Variants in CYRIA observed in about 807,000 individuals in gnomAD.
The protein encoded by CYRIA is CYFIP related Rac1 interactor A, also known as CYFIP-related Rac1 interactor A.
In CYRIA, 15 loss-of-function variants were observed where a neutral mutation model predicts 43.9. The ratio of observed to expected loss-of-function variants is 0.34; its 90% CI spans 0.23 to 0.53. The LOEUF is 0.53. CYRIA is among the 20% of genes least tolerant of loss of function. The probability of loss-of-function intolerance (pLI) is 0.94; values close to 1 mark genes in which losing one functional copy is unlikely to be tolerated. For synonymous variants in CYRIA, 117 were observed against 136.0 expected (o/e 0.86, Z 0.97); for missense variants, 236 against 394.2 (o/e 0.60, Z 3.40).
intron 2 of CYRIA, among the ~76,000 whole-genome samples, chr2:16,617,895 G>C (rs1366031989): frequency 1.3e-5 from 2 of 152,162 alleles, no homozygotes; most frequent in Non-Finnish European, 2.9e-5. Context: ...AAGGGAGGAG[G>C]GCTGACCAAG....
chr2:16,659,067 A>G (rs1443346775), intron 1 of CYRIA, among the ~76,000 whole-genome samples: 3 of 152,244 alleles, frequency 2.0e-5, no homozygotes, highest in Non-Finnish European at 4.4e-5. Context: ...GAAGGACGTC[A>G]GCCAAACACA....
At chr2:16,584,861 T>A (rs1425645540) in intron 3 of CYRIA, among the ~76,000 whole-genome samples, 1 of 152,168 alleles carries the variant, frequency 6.6e-6, no homozygotes, top group Admixed American at 6.5e-5. Context: ...GCAAGAAGAC[T>A]TCTCCAATTC....
rs1013070387 is a variant in CYRIA at position 16,571,224 on chromosome 2, A to G, written c.71-5457T>C. Among the ~76,000 whole-genome samples, 4 of 152,246 alleles carry G rather than the reference A, an allele frequency of 2.6e-5. No homozygotes were observed. In the East Asian group the frequency reaches 7.7e-4, roughly 29 times the overall value. On this transcript the variant is annotated intron_variant, in intron 3 of 11. Transcript: ENST00000381323. ...TACATTAAGATAGTTAAACAGGATT[A>G]GTTTTGTTTGCAGGGGCTCAATTTG... is the stretch of plus-strand genomic sequence containing the variant.
At chr2:16,628,365 G>A (rs78560368) in intron 1 of CYRIA, among the ~76,000 whole-genome samples, 258 of 152,258 alleles carry the variant, frequency 1.7e-3, no homozygotes, top group African/African-American at 5.7e-3. Flanking sequence ...ACCATTTATC[G>A]GACTGTGAGG....
At position 16,587,659 on chromosome 2, in the gene CYRIA, G is replaced by A. The variant is rs550446177; in HGVS notation, c.70+391C>T. On this transcript the variant is annotated intron_variant, in intron 3 of 11. Transcript: ENST00000381323. ...TCCATAATTCCCACTTGTTGTGGGA[G>A]GGACCAGATGGGAGGTAACTGAATC... Among the ~76,000 whole-genome samples the A allele has an allele frequency of 2.0e-5, 3 of 152,218 alleles. No individual in the cohort carries two copies. In the East Asian group the frequency reaches 5.8e-4, roughly 29 times the overall value.
At chr2:16,633,960 A>G (rs1238149186) in intron 1 of CYRIA, among the ~76,000 whole-genome samples, 2 of 152,060 alleles carry the variant, frequency 1.3e-5, no homozygotes, top group South Asian at 2.1e-4. Context: ...CAGGAGGAGA[A>G]CCTGGATCGC....
chr2:16,598,763 T>C (rs1377344785), intron 2 of CYRIA, among the ~76,000 whole-genome samples: 4 of 108,534 alleles, frequency 3.7e-5, no homozygotes, highest in East Asian at 4.1e-4. Flanking sequence ...AGCTTTGTTC[T>C]GTTGCTGGTG....
intron 2 of CYRIA, 109 bp from the exon 3 acceptor site, chr2:16,588,238 A>G (rs1217114600): frequency 8.0e-6 from 5 of 625,946 alleles, no homozygotes; most frequent in Non-Finnish European, 8.4e-6. Context: ...GAAAGAGAGC[A>G]TCTCCAACCC....
intron 2 of CYRIA, among the ~76,000 whole-genome samples, chr2:16,611,616 G>A (rs748552883): frequency 1.3e-5 from 2 of 152,138 alleles, no homozygotes; most frequent in African/African-American, 4.8e-5. Context: ...GTCTGGGAGG[G>A]TTTCCTGCAG....
At chr2:16,571,936 G>A (rs1667142609) in intron 3 of CYRIA, among the ~76,000 whole-genome samples, 1 of 152,162 alleles carries the variant, frequency 6.6e-6, no homozygotes, top group African/African-American at 2.4e-5. Context: ...AATGGAAAAG[G>A]TCTGCCAGCA....
intron 10 of CYRIA, among the ~76,000 whole-genome samples, chr2:16,555,987 GGAAGTGCATGGAAACT>G (rs1666496736): frequency 6.6e-6 from 1 of 152,070 alleles, no homozygotes; most frequent in Non-Finnish European, 1.5e-5. Context: ...CCGTAATTTG[GGAAGTGCATGGAAACT>G]GAATTTATAT....
At chr2:16,635,923 G>A (rs1295618157) in intron 1 of CYRIA, among the ~76,000 whole-genome samples, 1 of 152,140 alleles carries the variant, frequency 6.6e-6, no homozygotes, top group Non-Finnish European at 1.5e-5. Context: ...GATTGAAAAT[G>A]CATTTAGCAC....
intron 1 of CYRIA, among the ~76,000 whole-genome samples, chr2:16,648,831 A>G (rs185328787): frequency 1.3e-5 from 2 of 152,312 alleles, no homozygotes; most frequent in South Asian, 2.1e-4. Flanking sequence ...ATCATAGACC[A>G]CTACATTCTA....
At chr2:16,599,990 A>G (rs1190425270) in intron 2 of CYRIA, among the ~76,000 whole-genome samples, 4 of 152,162 alleles carry the variant, frequency 2.6e-5, no homozygotes, top group Admixed American at 2.6e-4. Flanking sequence ...TCCTGACCTC[A>G]GGTGATCCAC....
intron 1 of CYRIA, among the ~76,000 whole-genome samples, chr2:16,637,809 T>C (rs1252713777): frequency 6.6e-6 from 1 of 152,214 alleles, no homozygotes; most frequent in African/African-American, 2.4e-5. Context: ...TCTACCACTC[T>C]CATTTTACTG....
chr2:16,560,688 A>G (rs1316267243), intron 9 of CYRIA: 8 of 412,914 alleles, frequency 1.9e-5, no homozygotes, highest in Non-Finnish European at 3.6e-5. Context: ...ATCATTTAAC[A>G]CACCCTCCAT....
intron 2 of CYRIA, among the ~76,000 whole-genome samples, chr2:16,589,825 G>A (rs1010533960): frequency 6.6e-6 from 1 of 151,984 alleles, no homozygotes; most frequent in East Asian, 1.9e-4. Flanking sequence ...GCTGTGCTAG[G>A]AAAGAGAAGA....
chr2:16,552,919 C>T lies in CYRIA; in HGVS notation c.*17G>A. 6.5e-7 allele frequency: 1 copy of T among 1,546,056 alleles called. No individual in the cohort carries two copies. The highest frequency in any genetic ancestry group is 2.2e-5 in the East Asian group (1 of 44,534). ...CTTCTGAGGTCAGCACATAGATCCTCTTCTTTGAGCAGAGCTCTACTGAAG... is the reference window on the plus strand; with the variant it reads ...CTTCTGAGGTCAGCACATAGATCCTTTTCTTTGAGCAGAGCTCTACTGAAG... On this transcript the variant is annotated 3_prime_UTR_variant, in exon 12 of 12. Transcript: ENST00000381323.
intron 2 of CYRIA, among the ~76,000 whole-genome samples, chr2:16,612,741 A>G (rs1265169968): frequency 1.3e-5 from 2 of 152,126 alleles, no homozygotes; most frequent in East Asian, 3.9e-4. Flanking sequence ...GCAAAATAGC[A>G]ATGTCTCCCC....
Sources: allele counts gnomAD v4.1 joint callset (sites outside exome capture counted in the v4.1 genomes callset), GRCh38; gene constraint gnomAD v4.1.1; transcripts MANE v1.5; gene names NCBI Gene and HGNC (gene_info 2026-07-23, HGNC 2026-07-21).